The following LRP1B variants were observed in gnomAD, a reference collection of about 807,000 sequenced individuals.
LRP1B encodes low-density lipoprotein receptor-related protein 1B.
LRP1B carries 217 observed loss-of-function variants against 556.6 expected under a neutral mutation model. The observed-to-expected ratio is 0.39, with a 90% CI of 0.35 to 0.44. LRP1B has a LOEUF of 0.44. LRP1B is among the 20% of genes least tolerant of loss of function. LRP1B has a pLI of 1.00. For synonymous variants in LRP1B, 2,047 were observed against 1,865.8 expected (o/e 1.10, Z -2.50); for missense variants, 5,053 against 5,620.8 (o/e 0.90, Z 3.23).
intron 1 of LRP1B, among the ~76,000 whole-genome samples, chr2:141,931,470 A>C (rs1454769596): frequency 2.0e-5 from 3 of 151,990 alleles, no homozygotes. Flanking sequence ...AATTGTACTC[A>C]GAAAATAGAG....
chr2:141,331,751 G>C (rs969145998), intron 3 of LRP1B, among the ~76,000 whole-genome samples: 3 of 152,000 alleles, frequency 2.0e-5, no homozygotes, highest in Admixed American at 2.0e-4. Flanking sequence ...GGAGATATTA[G>C]CCTTTAATAT....
intron 1 of LRP1B, among the ~76,000 whole-genome samples, chr2:142,026,857 GTTAT>G (rs1703525047): frequency 6.6e-6 from 1 of 151,966 alleles, no homozygotes; most frequent in African/African-American, 2.4e-5. Context: ...CCAGGAATGG[GTTAT>G]TTTTCATATC....
intron 1 of LRP1B, among the ~76,000 whole-genome samples, chr2:141,941,341 T>C (rs1272017163): frequency 1.3e-5 from 2 of 152,214 alleles, no homozygotes; most frequent in African/African-American, 4.8e-5. Context: ...GGCCACTCTT[T>C]GCTTGATGGT....
intron 1 of LRP1B, among the ~76,000 whole-genome samples, chr2:141,908,944 A>G (rs1255990356): frequency 6.6e-6 from 1 of 152,098 alleles, no homozygotes; most frequent in Non-Finnish European, 1.5e-5. Context: ...GGGAGGTTAA[A>G]CAAAATATTC....
rs555303975 is a variant in LRP1B, at chr2:140,770,541, T to G, written c.5626+340A>C. Among the ~76,000 whole-genome samples the G allele has an allele frequency of 2.6e-5, 4 of 152,110 alleles. No individual in the cohort carries two copies. In the East Asian group the frequency reaches 5.8e-4, roughly 22 times the overall value. On this transcript the variant is annotated intron_variant, in intron 34 of 90. Transcript: ENST00000389484. Reference sequence around the variant, plus strand: ...TAAAGTAAACATTACTTAGTTCAAATTCTACATTAATTCCAGCCAATCAAG... The same window carrying G: ...TAAAGTAAACATTACTTAGTTCAAAGTCTACATTAATTCCAGCCAATCAAG...
At chr2:141,231,537 G>T (rs1368574101) in intron 5 of LRP1B, among the ~76,000 whole-genome samples, 1 of 152,142 alleles carries the variant, frequency 6.6e-6, no homozygotes, top group African/African-American at 2.4e-5. Flanking sequence ...GCAGCCTGGA[G>T]AATCACTACC....
chr2:141,041,709 T>C (rs573253274), intron 11 of LRP1B, among the ~76,000 whole-genome samples: 3 of 152,236 alleles, frequency 2.0e-5, no homozygotes, highest in East Asian at 1.9e-4. Flanking sequence ...TGGTGTACGT[T>C]TTCAAAACAT....
At chr2:141,149,921 G>A (rs960687266) in intron 7 of LRP1B, among the ~76,000 whole-genome samples, 5 of 152,174 alleles carry the variant, frequency 3.3e-5, no homozygotes, top group Non-Finnish European at 7.3e-5. Context: ...TAAATCCCTG[G>A]AGGCCAACTG....
intron 37 of LRP1B, among the ~76,000 whole-genome samples, chr2:140,705,172 A>G (rs1276313197): frequency 6.6e-6 from 1 of 152,116 alleles, no homozygotes; most frequent in African/African-American, 2.4e-5. Flanking sequence ...ATGATATTAT[A>G]TCAAATGTTA....
At chr2:140,803,260 GTTTT>G (rs11352164) in intron 32 of LRP1B, among the ~76,000 whole-genome samples, 41 of 102,234 alleles carry the variant, frequency 4.0e-4, no homozygotes, top group African/African-American at 2.0e-3. Flanking sequence ...CCTATTGAAA[GTTTT>G]TTTTTTTTTT....
chr2:140,994,080 T>G lies in LRP1B; in HGVS notation c.2559A>C (p.Lys853Asn). 1 of 1,612,780 alleles carries G rather than the reference T, an allele frequency of 6.2e-7. No homozygotes were observed. Among genetic ancestry groups the G allele is most frequent in the Admixed American group, 1.7e-5 (1 of 59,886 alleles). ...HICKAGEFRC[K>N]NRHCIQARWK... Reference sequence around the variant, plus strand: ...ACCGAGCTTGGATACAGTGTCTGTTTTTGCAGCGAAACTCTCCAGCTTTAC... The same window carrying G: ...ACCGAGCTTGGATACAGTGTCTGTTGTTGCAGCGAAACTCTCCAGCTTTAC... Residue 853 changes from lysine to asparagine, a missense_variant, in exon 16 of 91, where the codon AAA becomes AAC. This residue lies in a region of LRP1B where 3,619 missense variants were observed against 3,931.9 expected (regional missense o/e 0.92). Coordinates refer to ENST00000389484, the MANE Select transcript of LRP1B (RefSeq NM_018557.3).
At chr2:141,861,876 G>A (rs1264475518) in intron 1 of LRP1B, among the ~76,000 whole-genome samples, 1 of 151,792 alleles carries the variant, frequency 6.6e-6, no homozygotes, top group African/African-American at 2.4e-5. Context: ...GTTACAGTGA[G>A]CCAAGATAGT....
At chr2:142,026,686 G>T (rs1252507502) in intron 1 of LRP1B, among the ~76,000 whole-genome samples, 3 of 152,008 alleles carry the variant, frequency 2.0e-5, no homozygotes, top group African/African-American at 7.2e-5. Context: ...ATGATGTTTT[G>T]GTGGGAACTG....
chr2:140,413,786 A>C (rs1028800112), intron 66 of LRP1B, among the ~76,000 whole-genome samples: 2 of 152,182 alleles, frequency 1.3e-5, no homozygotes, highest in Non-Finnish European at 2.9e-5. Flanking sequence ...CTTTTCAGAA[A>C]GTTTGCAAGG....
chr2:141,943,035 TATA>T (rs374851019), intron 1 of LRP1B, among the ~76,000 whole-genome samples: 5 of 152,328 alleles, frequency 3.3e-5, no homozygotes, highest in African/African-American at 9.6e-5. Flanking sequence ...AAACTAATGA[TATA>T]ATAAGAAAAT....
chr2:141,998,134 G>A (rs1702551819), intron 1 of LRP1B, among the ~76,000 whole-genome samples: 2 of 152,074 alleles, frequency 1.3e-5, no homozygotes, highest in Admixed American at 6.6e-5. Context: ...GGAAACCCAG[G>A]ATTTAGTGTG....
chr2:141,923,482 GTGTGT>G (rs773970488), intron 1 of LRP1B, among the ~76,000 whole-genome samples: 6,661 of 119,204 alleles, frequency 0.056, 430 homozygotes, highest in Non-Finnish European at 0.093. Context: ...GTGTGTGTGT[GTGTGT>G]AGAGAGAGGG....
In LRP1B at chr2:140,524,440, T is replaced by C. The variant is rs138674797; in HGVS notation, c.8026+1404A>G. On this transcript the variant is annotated intron_variant, in intron 49 of 90. Transcript: ENST00000389484. ...ATTTCTCAAAAACTAAAAGTAGAAC[T>C]ATGATTTAAGCCAATCTCATCACAT... is the stretch of plus-strand genomic sequence containing the variant. Among the ~76,000 whole-genome samples the C allele has an allele frequency of 9.4e-3, 1,427 of 151,982 alleles. 19 individuals carry two copies. Among genetic ancestry groups the C allele is most frequent in the African/African-American group, 0.031 (1,273 of 41,498 alleles).
At chr2:141,576,766 A>G (rs1271709251) in intron 2 of LRP1B, among the ~76,000 whole-genome samples, 1 of 129,808 alleles carries the variant, frequency 7.7e-6, no homozygotes, top group Non-Finnish European at 1.8e-5. Flanking sequence ...AAAAAAAAAA[A>G]AAAAAGCTTC....
Sources: allele counts gnomAD v4.1 joint callset (sites outside exome capture counted in the v4.1 genomes callset), GRCh38; gene constraint gnomAD v4.1.1; regional missense constraint gnomAD v4.1.1; transcripts MANE v1.5; gene names NCBI Gene and HGNC (gene_info 2026-07-23, HGNC 2026-07-21).